The following SOX6 variants were observed in gnomAD, a reference collection of about 807,000 sequenced individuals.
SOX6 encodes the protein transcription factor SOX-6.
Under a neutral mutation model 97.8 loss-of-function variants are expected in SOX6, and 11 were observed. The ratio of observed to expected loss-of-function variants is 0.11; its 90% confidence interval spans 0.07 to 0.19. The LOEUF (loss-of-function observed/expected upper bound fraction) is 0.19, where lower values mean the gene tolerates loss of function less well. Among genes scored for constraint, SOX6 ranks in the 10% least tolerant of loss-of-function variants. The pLI is 1.00. For synonymous variants in SOX6, 360 were observed against 371.4 expected, an observed-to-expected ratio of 0.97 and a Z score of 0.35; for missense variants, 810 against 1,039.5, an observed-to-expected ratio of 0.78 and a Z score of 3.04.
At chr11:16,037,153 TA>T (rs1196169743) in intron 12 of SOX6, among the ~76,000 whole-genome samples, 19 of 152,170 alleles carry the variant, frequency 1.2e-4, no homozygotes, top group African/African-American at 4.6e-4. Flanking sequence ...TAAAAATAAC[TA>T]AAAAATTCCT....
At chr11:16,343,154 A>G (rs978372776) in intron 1 of SOX6, among the ~76,000 whole-genome samples, 4 of 151,886 alleles carry the variant, frequency 2.6e-5, no homozygotes, top group African/African-American at 4.8e-5. Context: ...CCCCATAACT[A>G]CTATTAGTAA....
upstream of SOX6, among the ~76,000 whole-genome samples, chr11:16,360,920 G>A (rs7932210): frequency 0.67 from 101,351 of 151,426 alleles, 34,666 homozygotes; most frequent in Non-Finnish European, 0.73. Flanking sequence ...GGAGAATGGC[G>A]TGAACCCGGG....
intron 3 of SOX6, among the ~76,000 whole-genome samples, chr11:16,260,971 A>G (rs927194824): frequency 6.6e-6 from 1 of 152,074 alleles, no homozygotes; most frequent in African/African-American, 2.4e-5. Context: ...TGTGACCTTC[A>G]CACATACTCC....
rs534808882 is a variant in SOX6 at position 16,061,487 on chromosome 11, C to G, written c.1102-5586G>C. Among the ~76,000 whole-genome samples, 166 of 151,640 alleles carry G rather than the reference C, an allele frequency of 1.1e-3. 1 individual carries two copies. Among genetic ancestry groups the G allele is most frequent in the Non-Finnish European group, 1.6e-3 (105 of 67,704 alleles). Reference sequence around the variant, plus strand: ...ACTGCCCCCAAAGAATTTAGAGATTCAATTCAATCTCTATAAAAATACCAA... The same window carrying G: ...ACTGCCCCCAAAGAATTTAGAGATTGAATTCAATCTCTATAAAAATACCAA... On this transcript the variant is annotated intron_variant, in intron 9 of 15. Transcript: ENST00000683767.
chr11:16,608,360 C>A (rs972134373), intron 4 of SOX6, among the ~76,000 whole-genome samples: 1 of 151,844 alleles, frequency 6.6e-6, no homozygotes. Flanking sequence ...AGAACTGGAC[C>A]ACAAAAGCGA....
At chr11:16,190,296 T>C (rs1851593233) in intron 4 of SOX6, among the ~76,000 whole-genome samples, 1 of 152,202 alleles carries the variant, frequency 6.6e-6, no homozygotes, top group African/African-American at 2.4e-5. Flanking sequence ...CTGTCACTAT[T>C]TTTTCCTTAA....
At chr11:16,679,127 C>T (rs1025100404) in intron 3 of SOX6, among the ~76,000 whole-genome samples, 24 of 152,204 alleles carry the variant, frequency 1.6e-4, no homozygotes, top group African/African-American at 5.3e-4. Context: ...GCGTGGCATT[C>T]GAGCTCTGAG....
At chr11:16,429,250 T>G (rs565547968) in intron 1 of SOX6, among the ~76,000 whole-genome samples, 1 of 152,280 alleles carries the variant, frequency 6.6e-6, no homozygotes, top group East Asian at 1.9e-4. Context: ...GTTCAACCAT[T>G]GTGGAGGACA....
intron 4 of SOX6, among the ~76,000 whole-genome samples, chr11:16,501,445 C>A (rs1249756827): frequency 6.6e-6 from 1 of 152,112 alleles, no homozygotes; most frequent in African/African-American, 2.4e-5. Context: ...GCAACAAAAG[C>A]CAAAATTGAC....
intron 6 of SOX6, among the ~76,000 whole-genome samples, chr11:16,170,782 G>T (rs1282954822): frequency 6.6e-6 from 1 of 151,960 alleles, no homozygotes; most frequent in African/African-American, 2.4e-5. Flanking sequence ...AATACCCTTT[G>T]TGCATTCTCA....
At chr11:16,465,353 T>A (rs1860009495) in intron 1 of SOX6, among the ~76,000 whole-genome samples, 1 of 152,158 alleles carries the variant, frequency 6.6e-6, no homozygotes. Flanking sequence ...AGCTGTCCAA[T>A]GAGCATACAC....
intron 4 of SOX6, among the ~76,000 whole-genome samples, chr11:16,542,993 A>G (rs1384431941): frequency 2.0e-5 from 3 of 151,994 alleles, no homozygotes; most frequent in African/African-American, 7.2e-5. Flanking sequence ...CAAATCAAGA[A>G]CAGTCTACAT....
intron 3 of SOX6, among the ~76,000 whole-genome samples, chr11:16,638,642 G>A (rs1190667064): frequency 6.6e-6 from 1 of 152,040 alleles, no homozygotes; most frequent in Non-Finnish European, 1.5e-5. Flanking sequence ...CTCATTGTGG[G>A]TTTGATATGC....
intron 3 of SOX6, among the ~76,000 whole-genome samples, chr11:16,651,699 C>T (rs1847655945): frequency 1.3e-5 from 2 of 152,092 alleles, no homozygotes; most frequent in Admixed American, 1.3e-4. Flanking sequence ...AAGCATTCCC[C>T]CTGAGAACTG....
chr11:16,187,542 A>ATT (rs35442853), intron 4 of SOX6, among the ~76,000 whole-genome samples: 1 of 148,200 alleles, frequency 6.7e-6, no homozygotes, highest in African/African-American at 2.5e-5. Flanking sequence ...ATTGAATGTG[A>ATT]TTTTTTTTTT....
chr11:16,445,215 A>G (rs1341974586), intron 1 of SOX6, among the ~76,000 whole-genome samples: 1 of 152,222 alleles, frequency 6.6e-6, no homozygotes, highest in Non-Finnish European at 1.5e-5. Flanking sequence ...GTAACACTAG[A>G]GTAACAATAG....
chr11:16,568,038 T>A (rs561835424), intron 4 of SOX6, among the ~76,000 whole-genome samples: 1 of 152,286 alleles, frequency 6.6e-6, no homozygotes, highest in Admixed American at 6.5e-5. Context: ...CGCTTTCTGA[T>A]GGTTTATGTA....
At chr11:16,319,077 A>T (rs1003741562) in intron 2 of SOX6, among the ~76,000 whole-genome samples, 20 of 152,136 alleles carry the variant, frequency 1.3e-4, no homozygotes, top group African/African-American at 4.8e-4. Context: ...CACAACATAA[A>T]AAGGAGTACA....
intron 9 of SOX6, among the ~76,000 whole-genome samples, chr11:16,058,442 A>T (rs1218785221): frequency 6.6e-6 from 1 of 152,020 alleles, no homozygotes; most frequent in Non-Finnish European, 1.5e-5. Context: ...CTGTTTGTTC[A>T]TATATAACAG....
Sources: gnomAD v4.1 joint callset for allele counts (sites outside exome capture counted in the v4.1 genomes callset) on GRCh38, gnomAD v4.1.1 for gene constraint, MANE v1.5 for transcripts, NCBI Gene and HGNC (gene_info 2026-07-23, HGNC 2026-07-21) for gene names.